TBC1D4: variants seen among roughly 807,000 people sequenced by gnomAD.
TBC1D4 encodes TBC1 domain family member 4, also known as TBC (Tre-2, BUB2, CDC16) domain-containing protein.
Under a neutral mutation model 142.5 loss-of-function variants are expected in TBC1D4, and 121 were observed. The ratio of observed to expected loss-of-function variants is 0.85; its 90% CI spans 0.73 to 0.99. The LOEUF is 0.99. TBC1D4 is among the 50% of genes least tolerant of loss of function. TBC1D4 has a pLI of 0.00. For synonymous variants in TBC1D4, 630 were observed against 628.2 expected (o/e 1.00, Z -0.04); for missense variants, 1,475 against 1,606.6 (o/e 0.92, Z 1.40).
rs971207482 is a variant in TBC1D4 at position 75,285,505 on chromosome 13, T to C, written c.*1287A>G. ...TGCAAATGTACTTTGAAAATTACTT[T>C]CCTTGCCTATACCCAGCATGCGTGA... On this transcript the variant is annotated 3_prime_UTR_variant, in exon 21 of 21. Transcript: ENST00000377636. 1.3e-5 allele frequency: 2 copies of C among 152,602 alleles called. No homozygotes were observed. Among genetic ancestry groups the C allele is most frequent in the African/African-American group, 4.8e-5 (2 of 41,456 alleles). The allele number at this position is 152,602 out of a possible 1,614,324, so 9.5% of individuals were successfully genotyped here. A position where few individuals can be genotyped will look rare whatever the true frequency, so the allele number is the denominator to read the frequency against.
At chr13:75,427,670 C>CA (rs1287456424) in intron 1 of TBC1D4, among the ~76,000 whole-genome samples, 1 of 152,204 alleles carries the variant, frequency 6.6e-6, no homozygotes, top group Non-Finnish European at 1.5e-5. Context: ...CCCCAATACT[C>CA]ACGCTCGAAT....
At chr13:75,380,753 C>G (rs1009004280) in intron 1 of TBC1D4, among the ~76,000 whole-genome samples, 1 of 152,072 alleles carries the variant, frequency 6.6e-6, no homozygotes, top group East Asian at 1.9e-4. Context: ...ACAAAGCTAG[C>G]CTAATGCAGT....
At chr13:75,302,570 A>G in intron 15 of TBC1D4, 169 bp from the exon 16 acceptor site, 1 of 724,322 alleles carries the variant, frequency 1.4e-6, no homozygotes, top group East Asian at 2.7e-5. Context: ...GCTGAATCCT[A>G]TAGCTCTTGA....
intron 17 of TBC1D4, among the ~76,000 whole-genome samples, chr13:75,295,632 C>T (rs1203042620): frequency 1.3e-5 from 2 of 152,124 alleles, no homozygotes; most frequent in African/African-American, 4.8e-5. Context: ...CTGAATATTT[C>T]TAGAACTAAA....
chr13:75,449,144 G>A (rs1368129043), intron 1 of TBC1D4, among the ~76,000 whole-genome samples: 1 of 151,898 alleles, frequency 6.6e-6, no homozygotes, highest in African/African-American at 2.4e-5. Flanking sequence ...GTTGTATACA[G>A]TAATCCCCCC....
rs183794620 is a variant in TBC1D4, at chr13:75,444,971, T to G, written c.498+36299A>C. ...CATTACATCATTTACCCTCATAAAA[T>G]CTATAAGAATAGCTATATTAATCTC... is the stretch of plus-strand genomic sequence containing the variant. On this transcript the variant is annotated intron_variant, in intron 1 of 20. Transcript: ENST00000377636. Among the ~76,000 whole-genome samples, 27 of 152,284 alleles carry G rather than the reference T, an allele frequency of 1.8e-4. 1 individual carries two copies. The East Asian group carries it at 5.2e-3, about 29-fold the overall frequency.
At chr13:75,478,789 A>C (rs148807351) in intron 1 of TBC1D4, among the ~76,000 whole-genome samples, 189 of 152,332 alleles carry the variant, frequency 1.2e-3, no homozygotes, top group Non-Finnish European at 2.0e-3. Context: ...CAGCCATATC[A>C]AATGAACCTG....
chr13:75,455,367 TATA>T (rs1887688714), intron 1 of TBC1D4, among the ~76,000 whole-genome samples: 1 of 142,978 alleles, frequency 7.0e-6, no homozygotes, highest in Non-Finnish European at 1.6e-5. Flanking sequence ...ATACAACGAT[TATA>T]ATTATATTTA....
chr13:75,474,363 T>C (rs1888543158), intron 1 of TBC1D4, among the ~76,000 whole-genome samples: 1 of 152,158 alleles, frequency 6.6e-6, no homozygotes, highest in Non-Finnish European at 1.5e-5. Flanking sequence ...ATCGAGACCA[T>C]CCTGGCTAAC....
rs1566524171 is a variant in TBC1D4 at position 75,481,785 on chromosome 13, G to GGCACCGCGGAGGCCGGCCGGGC, written c.-40_-19dup. The stretch of plus-strand genomic sequence containing the variant: ...GGCTCCATAACTCTCGCCTCACCAG[G>GGCACCGCGGAGGCCGGCCGGGC]GCACCGCGGAGGCCGGCCGGGCGCA... On this transcript the variant is annotated 5_prime_UTR_variant, in exon 1 of 21. Coordinates refer to ENST00000377636, the MANE Select transcript of TBC1D4 (RefSeq NM_014832.5). 6.6e-7 allele frequency: 1 copy of GGCACCGCGGAGGCCGGCCGGGC among 1,514,096 alleles called. No homozygotes were observed. Among genetic ancestry groups the GGCACCGCGGAGGCCGGCCGGGC allele is most frequent in the African/African-American group, 1.5e-5 (1 of 68,634 alleles). 93.8% of individuals were successfully genotyped at this position (1,514,096 alleles called of 1,614,324 possible). A position where few individuals can be genotyped will look rare whatever the true frequency, so the allele number is the denominator to read the frequency against.
intron 11 of TBC1D4, among the ~76,000 whole-genome samples, chr13:75,321,194 T>G (rs1194064442): frequency 6.6e-6 from 1 of 152,172 alleles, no homozygotes; most frequent in African/African-American, 2.4e-5. Context: ...ACTATGAACC[T>G]TCTCCCCTCA....
intron 1 of TBC1D4, among the ~76,000 whole-genome samples, chr13:75,382,885 AC>A (rs1197697225): frequency 6.6e-6 from 1 of 152,212 alleles, no homozygotes; most frequent in African/African-American, 2.4e-5. Flanking sequence ...AATTAATTTC[AC>A]CCGTCTCTTT....
chr13:75,414,815 A>G (rs1406942742), intron 1 of TBC1D4, among the ~76,000 whole-genome samples: 1 of 152,194 alleles, frequency 6.6e-6, no homozygotes, highest in East Asian at 1.9e-4. Flanking sequence ...CTGAAATGGG[A>G]TGGAAAGAAA....
chr13:75,370,162 C>A (rs1292211724), intron 1 of TBC1D4, among the ~76,000 whole-genome samples: 1 of 152,124 alleles, frequency 6.6e-6, no homozygotes, highest in African/African-American at 2.4e-5. Context: ...GGCCCTGAAG[C>A]ACAAATTTTC....
chr13:75,419,805 T>C (rs2147851), intron 1 of TBC1D4, among the ~76,000 whole-genome samples: 101,867 of 152,102 alleles, frequency 0.67, 40,223 homozygotes, highest in East Asian at 0.98. Context: ...TATGAGAATA[T>C]AAAAATAGAT....
At chr13:75,352,066 C>A (rs532513421) in intron 4 of TBC1D4, among the ~76,000 whole-genome samples, 1 of 152,280 alleles carries the variant, frequency 6.6e-6, no homozygotes, top group Admixed American at 6.5e-5. Context: ...CAATTATGTC[C>A]ATTTTTCTTA....
chr13:75,332,090 T>C (rs1389915784), intron 8 of TBC1D4, among the ~76,000 whole-genome samples: 1 of 152,178 alleles, frequency 6.6e-6, no homozygotes, highest in East Asian at 1.9e-4. Flanking sequence ...ATTACAGCAA[T>C]TGAAGGCATG....
chr13:75,365,136 A>G (rs1362082715), intron 1 of TBC1D4, among the ~76,000 whole-genome samples: 3 of 152,218 alleles, frequency 2.0e-5, no homozygotes, highest in Admixed American at 6.5e-5. Flanking sequence ...TAAGTGATCC[A>G]ATTTATATAA....
chr13:75,342,488 A>G (rs1278847873), intron 5 of TBC1D4, among the ~76,000 whole-genome samples: 1 of 152,194 alleles, frequency 6.6e-6, no homozygotes, highest in Non-Finnish European at 1.5e-5. Flanking sequence ...ATAAAGTTTT[A>G]AGGATAGCAT....
Sources: gnomAD v4.1 joint callset for allele counts (sites outside exome capture counted in the v4.1 genomes callset) on GRCh38, gnomAD v4.1.1 for gene constraint, MANE v1.5 for transcripts, NCBI Gene and HGNC (gene_info 2026-07-23, HGNC 2026-07-21) for gene names.